Variants in HOMER1 observed in about 807,000 individuals in gnomAD.
The protein encoded by HOMER1 is homer scaffold protein 1.
Under a neutral mutation model 48.9 loss-of-function variants are expected in HOMER1, and 3 were observed. The ratio of observed to expected loss-of-function variants is 0.06; its 90% CI spans 0.03 to 0.16. HOMER1 has a LOEUF of 0.16. Among genes scored for constraint, HOMER1 ranks in the 10% least tolerant of loss-of-function variants. The probability of loss-of-function intolerance (pLI) is 1.00; values close to 1 mark genes in which losing one functional copy is unlikely to be tolerated. For synonymous variants in HOMER1, 134 were observed against 146.4 expected (o/e 0.92, Z 0.61); for missense variants, 247 against 411.4 (o/e 0.60, Z 3.46).
intron 1 of HOMER1, among the ~76,000 whole-genome samples, chr5:79,480,617 C>T (rs372173833): frequency 6.6e-6 from 1 of 152,084 alleles, no homozygotes; most frequent in Non-Finnish European, 1.5e-5. Flanking sequence ...CAGCCATATG[C>T]CCATGTAAGT....
At chr5:79,413,590 C>T (rs1014163156) in intron 5 of HOMER1, among the ~76,000 whole-genome samples, 1 of 151,938 alleles carries the variant, frequency 6.6e-6, no homozygotes, top group Non-Finnish European at 1.5e-5. Flanking sequence ...CGCCCCCACC[C>T]CCTACCCCCA....
intron 1 of HOMER1, chr5:79,511,066 A>C (rs937486160): frequency 3.6e-6 from 1 of 278,738 alleles, no homozygotes; most frequent in African/African-American, 2.2e-5. Flanking sequence ...ACAGGCATTC[A>C]TGCAGCTTAA....
intron 1 of HOMER1, among the ~76,000 whole-genome samples, chr5:79,511,818 T>C (rs894477811): frequency 3.3e-5 from 5 of 152,232 alleles, no homozygotes; most frequent in Admixed American, 6.5e-5. Flanking sequence ...TCACGATGAA[T>C]TGCAGAGTCC....
rs1456331862 is a variant in HOMER1, at chr5:79,451,613, T to G, written c.163-492A>C. On this transcript the variant is annotated intron_variant, in intron 2 of 8. Transcript: ENST00000334082. ...TGGAGTCTTGCTCTGTCGCCCAGGC[T>G]GGAGTGCAGTGGCGTGATCTCGGCT... Among the ~76,000 whole-genome samples, 6 of 133,006 alleles carry G rather than the reference T, an allele frequency of 4.5e-5. No individual in the cohort carries two copies. In the East Asian group the frequency reaches 8.3e-4, roughly 18 times the overall value. The allele number at this position is 133,006 out of a possible 152,430, so 87.3% of individuals were successfully genotyped here.
intron 1 of HOMER1, chr5:79,510,285 T>C (rs1353559442): frequency 2.8e-6 from 1 of 360,574 alleles, no homozygotes; most frequent in Non-Finnish European, 5.3e-6. Flanking sequence ...ATACATTCAT[T>C]TATAAACAAA....
intron 1 of HOMER1, among the ~76,000 whole-genome samples, chr5:79,473,160 A>G (rs887593171): frequency 2.0e-5 from 3 of 152,252 alleles, no homozygotes; most frequent in Non-Finnish European, 2.9e-5. Context: ...AAACAAGTAC[A>G]GATAAATAAT....
intron 1 of HOMER1, among the ~76,000 whole-genome samples, chr5:79,495,152 T>C (rs1451893887): frequency 1.3e-5 from 2 of 152,224 alleles, no homozygotes; most frequent in African/African-American, 2.4e-5. Flanking sequence ...ATATGGGTAC[T>C]GCATCAAAAA....
chr5:79,378,467 T>C (rs954831910), intron 8 of HOMER1, among the ~76,000 whole-genome samples: 2 of 152,138 alleles, frequency 1.3e-5, no homozygotes, highest in African/African-American at 4.8e-5. Context: ...TCACTTTGGT[T>C]AATCTGCAAG....
chr5:79,417,011 G>C (rs1181430236), intron 5 of HOMER1, among the ~76,000 whole-genome samples: 1 of 152,156 alleles, frequency 6.6e-6, no homozygotes, highest in Non-Finnish European at 1.5e-5. Context: ...AAGCTATTCA[G>C]TGGACCTACT....
intron 5 of HOMER1, among the ~76,000 whole-genome samples, chr5:79,414,085 T>A (rs72766732): frequency 0.016 from 2,369 of 151,866 alleles, 26 homozygotes; most frequent in Middle Eastern, 0.024. Context: ...GTTCTTTTTT[T>A]AAAAAAAAGT....
At chr5:79,508,426 A>C (rs1244632078) in intron 1 of HOMER1, among the ~76,000 whole-genome samples, 1 of 152,222 alleles carries the variant, frequency 6.6e-6, no homozygotes, top group Non-Finnish European at 1.5e-5. Context: ...ATAGCCAAAA[A>C]AACCTCTAAA....
chr5:79,451,852 C>T (rs963585829), intron 2 of HOMER1, among the ~76,000 whole-genome samples: 1 of 152,066 alleles, frequency 6.6e-6, no homozygotes, highest in Non-Finnish European at 1.5e-5. Context: ...TGAGCCACTG[C>T]GCCCGGCCGA....
intron 1 of HOMER1, 113 bp downstream of exon 1, chr5:79,512,657 A>G: frequency 3.0e-6 from 3 of 993,446 alleles, no homozygotes; most frequent in South Asian, 2.8e-5. Flanking sequence ...AAGTATGACC[A>G]GCTTAGCAAG....
At chr5:79,503,824 T>C (rs1009889073) in intron 1 of HOMER1, among the ~76,000 whole-genome samples, 7 of 152,080 alleles carry the variant, frequency 4.6e-5, no homozygotes, top group Admixed American at 4.6e-4. Flanking sequence ...CTTATCTTCA[T>C]CTTCACATTG....
chr5:79,461,296 T>C (rs1751311797), intron 1 of HOMER1, among the ~76,000 whole-genome samples: 1 of 152,256 alleles, frequency 6.6e-6, no homozygotes, highest in African/African-American at 2.4e-5. Flanking sequence ...CATTTGAAAT[T>C]GATTGTTCAA....
At chr5:79,488,176 T>C (rs530948737) in intron 1 of HOMER1, among the ~76,000 whole-genome samples, 1 of 152,364 alleles carries the variant, frequency 6.6e-6, no homozygotes, top group East Asian at 1.9e-4. Flanking sequence ...AGGGTTTTGC[T>C]GTCTGCTTTT....
At chr5:79,434,347 T>TAA (rs147905669) in intron 5 of HOMER1, among the ~76,000 whole-genome samples, 3 of 148,828 alleles carry the variant, frequency 2.0e-5, no homozygotes, top group Non-Finnish European at 4.5e-5. Context: ...TATTATTTAT[T>TAA]AAAAAAAAAA....
intron 5 of HOMER1, among the ~76,000 whole-genome samples, chr5:79,433,729 G>C (rs1194318132): frequency 6.6e-6 from 1 of 152,102 alleles, no homozygotes; most frequent in Non-Finnish European, 1.5e-5. Flanking sequence ...TTTAGTTTTT[G>C]AAATTGCACA....
intron 1 of HOMER1, among the ~76,000 whole-genome samples, chr5:79,473,285 T>C (rs548362491): frequency 1.3e-5 from 2 of 152,306 alleles, no homozygotes; most frequent in South Asian, 2.1e-4. Flanking sequence ...CCAACACAAA[T>C]TTGTAAACTT....
Sources: allele counts gnomAD v4.1 joint callset (sites outside exome capture counted in the v4.1 genomes callset), GRCh38; gene constraint gnomAD v4.1.1; transcripts MANE v1.5; gene names NCBI Gene and HGNC (gene_info 2026-07-23, HGNC 2026-07-21).